KIFBP: variants seen among roughly 807,000 people sequenced by gnomAD.
The protein encoded by KIFBP is KIF-binding protein.
In KIFBP, 46 loss-of-function variants were observed where a neutral mutation model predicts 58.9. That is an observed-to-expected ratio of 0.78 (90% CI 0.62 to 1.00). The LOEUF (loss-of-function observed/expected upper bound fraction) is 1.00, where lower values mean the gene tolerates loss of function less well. Among genes scored for constraint, KIFBP ranks in the 50% least tolerant of loss-of-function variants. The probability of loss-of-function intolerance (pLI) is 0.00; values close to 1 mark genes in which losing one functional copy is unlikely to be tolerated. For synonymous variants in KIFBP, 241 were observed against 283.4 expected, an observed-to-expected ratio of 0.85 and a Z score of 1.50; for missense variants, 651 against 752.9, an observed-to-expected ratio of 0.86 and a Z score of 1.58.
intron 3 of KIFBP, 35 bp from the exon 4 acceptor site, chr10:69,005,697 C>G (rs752710386): frequency 6.7e-7 from 1 of 1,490,102 alleles, no homozygotes; most frequent in Non-Finnish European, 9.3e-7. Flanking sequence ...ACAAGTAAAC[C>G]ATTACACAAA....
At position 69,016,789 on chromosome 10, in the gene KIFBP, T is replaced by A. The variant is rs1298883986; in HGVS notation, c.*373T>A. On this transcript the variant is annotated 3_prime_UTR_variant, in exon 7 of 7. Transcript: ENST00000361983. Reference sequence around the variant, plus strand: ...AACAAGCCTGTTAATATATTAAGATTGAAAAAGTAACTTCTATAGTTACTC... The same window carrying A: ...AACAAGCCTGTTAATATATTAAGATAGAAAAAGTAACTTCTATAGTTACTC... 4 of 176,092 alleles carry A rather than the reference T, an allele frequency of 2.3e-5. No individual in the cohort carries two copies. The highest frequency in any genetic ancestry group is 9.5e-5 in the African/African-American group (4 of 42,062). 10.9% of individuals were successfully genotyped at this position (176,092 alleles called of 1,614,324 possible).
At chr10:68,998,996 G>T (rs1314583774) in intron 1 of KIFBP, among the ~76,000 whole-genome samples, 2 of 151,628 alleles carry the variant, frequency 1.3e-5, no homozygotes, top group Admixed American at 6.6e-5. Context: ...GGCCAGGCTG[G>T]TCTCGAACTC....
chr10:69,015,358 T>C, intron 6 of KIFBP, 183 bp from the exon 7 acceptor site: 1 of 565,664 alleles, frequency 1.8e-6, no homozygotes, highest in Non-Finnish European at 3.1e-6. Flanking sequence ...ATTTCTTGAG[T>C]TTTTAATATA....
chr10:69,011,521 T>C (rs546645636), intron 6 of KIFBP, among the ~76,000 whole-genome samples: 1 of 150,890 alleles, frequency 6.6e-6, no homozygotes, highest in East Asian at 2.0e-4. Flanking sequence ...ATCCTTGGAG[T>C]ACAGGCGTGT....
chr10:69,011,982 C>T (rs1414694983), intron 6 of KIFBP, among the ~76,000 whole-genome samples: 2 of 152,054 alleles, frequency 1.3e-5, no homozygotes, highest in African/African-American at 4.8e-5. Flanking sequence ...TGAGCAACCA[C>T]ACCTGGCCAA....
chr10:69,010,857 C>A, intron 5 of KIFBP, 43 bp from the exon 6 acceptor site: 2 of 1,276,942 alleles, frequency 1.6e-6, no homozygotes, highest in Non-Finnish European at 2.3e-6. Context: ...ATGAAAATTA[C>A]AGTTGTGACC....
At chr10:69,004,528 G>A (rs1407204533) in intron 2 of KIFBP, among the ~76,000 whole-genome samples, 1 of 152,008 alleles carries the variant, frequency 6.6e-6, no homozygotes, top group Admixed American at 6.6e-5. Context: ...CAAATAAAAG[G>A]GTATCTTTTA....
At chr10:68,996,075 T>C (rs975893200) in intron 1 of KIFBP, among the ~76,000 whole-genome samples, 9 of 151,290 alleles carry the variant, frequency 5.9e-5, no homozygotes, top group Non-Finnish European at 4.4e-5. Context: ...CAAGAATCGC[T>C]AGAACCCGGG....
intron 1 of KIFBP, among the ~76,000 whole-genome samples, chr10:68,998,257 A>G (rs1233092364): frequency 2.0e-5 from 3 of 152,166 alleles, no homozygotes; most frequent in African/African-American, 4.8e-5. Flanking sequence ...AGCCCAAAAG[A>G]TTTTTAAAAC....
At chr10:69,011,810 C>A (rs1481718612) in intron 6 of KIFBP, among the ~76,000 whole-genome samples, 20 of 150,164 alleles carry the variant, frequency 1.3e-4, no homozygotes, top group Non-Finnish European at 2.5e-4. Context: ...CCTGCCTCAG[C>A]CTCCTGAGTA....
intron 1 of KIFBP, among the ~76,000 whole-genome samples, chr10:68,994,466 A>G (rs1843383504): frequency 6.6e-6 from 1 of 152,138 alleles, no homozygotes; most frequent in African/African-American, 2.4e-5. Context: ...TTGATATTAC[A>G]TTAGATTATC....
intron 6 of KIFBP, among the ~76,000 whole-genome samples, chr10:69,014,697 ATTCT>A (rs1031066021): frequency 4.8e-5 from 7 of 144,654 alleles, no homozygotes; most frequent in African/African-American, 1.3e-4. Flanking sequence ...CACCTTAGTT[ATTCT>A]TTCTTTTTTT....
At chr10:69,010,824 T>C (rs1014192612) in intron 5 of KIFBP, 76 bp from the exon 6 acceptor site, 2 of 919,896 alleles carry the variant, frequency 2.2e-6, no homozygotes, top group Non-Finnish European at 3.5e-6. Flanking sequence ...GAAAAAGTGA[T>C]ATTAAAAAAA....
chr10:69,016,025 C>T lies in KIFBP; in HGVS notation c.1475C>T (p.Ala492Val), dbSNP rs766522607. 1 of 1,614,144 alleles carries T rather than the reference C, an allele frequency of 6.2e-7. No homozygotes were observed. The highest frequency in any genetic ancestry group is 1.7e-5 in the Admixed American group (1 of 60,014). ...ATGATGGATTTGAAGGTTGCCATTG[C>T]TGACAGGCTAAGGGATCCTGATTCA... ...YDMMDLKVAI[A>V]DRLRDPDSHI... Residue 492 changes from alanine to valine, a missense_variant, in exon 7 of 7, where the codon GCT (alanine) becomes GTT (valine). Ala to Val is a moderately conservative substitution (Grantham distance 64). Transcript: ENST00000361983.
intron 4 of KIFBP, among the ~76,000 whole-genome samples, chr10:69,008,385 A>ATAT (rs1843556157): frequency 1.5e-5 from 1 of 68,290 alleles, no homozygotes; most frequent in Non-Finnish European, 2.8e-5. Context: ...CGTAAAAAAA[A>ATAT]AAAAAAATAT....
intron 4 of KIFBP, among the ~76,000 whole-genome samples, chr10:69,006,362 C>G (rs1843536494): frequency 6.6e-6 from 1 of 152,142 alleles, no homozygotes; most frequent in Non-Finnish European, 1.5e-5. Context: ...AGAATTAACT[C>G]TGTAATAATT....
intron 6 of KIFBP, among the ~76,000 whole-genome samples, chr10:69,011,567 A>C (rs951053965): frequency 6.7e-6 from 1 of 150,306 alleles, no homozygotes; most frequent in African/African-American, 2.4e-5. Flanking sequence ...ATTATTTTGT[A>C]GAGACTGGCT....
intron 1 of KIFBP, among the ~76,000 whole-genome samples, chr10:68,997,164 T>C (rs896741805): frequency 1.3e-5 from 2 of 152,194 alleles, no homozygotes; most frequent in Non-Finnish European, 2.9e-5. Context: ...GATAGTTCTC[T>C]CCTCTATGTT....
intron 1 of KIFBP, among the ~76,000 whole-genome samples, chr10:68,996,542 CAA>C (rs1491255195): frequency 2.7e-5 from 4 of 150,656 alleles, no homozygotes; most frequent in Non-Finnish European, 5.9e-5. Context: ...GCCTGGGCGA[CAA>C]GAGGGAAACT....
Sources: gnomAD v4.1 joint callset for allele counts (sites outside exome capture counted in the v4.1 genomes callset) on GRCh38, gnomAD v4.1.1 for gene constraint, MANE v1.5 for transcripts, NCBI Gene and HGNC (gene_info 2026-07-23, HGNC 2026-07-21) for gene names.